The following DRC4 variants were observed in gnomAD, a reference collection of about 807,000 sequenced individuals.
DRC4 encodes the protein dynein regulatory complex subunit 4.
the DRC4 span, among the ~76,000 whole-genome samples, chr16:90,028,683 C>G: frequency 6.6e-6 from 1 of 152,180 alleles, no homozygotes; most frequent in Non-Finnish European, 1.5e-5. Context: ...ACCTAAAAGG[C>G]TCCTGGAGAC....
chr16:90,026,667 G>A, the DRC4 span, among the ~76,000 whole-genome samples: 7,613 of 147,278 alleles, frequency 0.052, 274 homozygotes, highest in Non-Finnish European at 0.078. Flanking sequence ...GGAGTGAGTG[G>A]GTTTGGAATG....
chr16:90,040,534 C>T, the DRC4 span: 1 of 1,558,596 alleles, frequency 6.4e-7, no homozygotes. Flanking sequence ...GGCTCCTGAC[C>T]CCAGTGGGCG....
the DRC4 span, chr16:90,027,708 A>C: frequency 1.4e-5 from 22 of 1,612,314 alleles, no homozygotes; most frequent in Non-Finnish European, 1.9e-5. Flanking sequence ...TCCAGAGGAC[A>C]TGAGCAAGGA....
the DRC4 span, among the ~76,000 whole-genome samples, chr16:90,025,854 G>A: frequency 2.8e-5 from 4 of 145,124 alleles, no homozygotes; most frequent in South Asian, 2.2e-4. Flanking sequence ...CCTGGATGAC[G>A]AGGGAGACTC....
the DRC4 span, chr16:90,027,711 AG>A: frequency 6.2e-7 from 1 of 1,614,098 alleles, no homozygotes; most frequent in African/African-American, 1.3e-5. Context: ...AGAGGACATG[AG>A]CAAGGAGCAG....
At chr16:90,020,160 A>G in the DRC4 span, 1 of 537,466 alleles carries the variant, frequency 1.9e-6, no homozygotes, top group South Asian at 2.3e-5. Context: ...TGCATTTGTA[A>G]GTACTTCAAT....
the DRC4 span, among the ~76,000 whole-genome samples, chr16:90,023,750 T>C: frequency 1.3e-5 from 2 of 150,904 alleles, no homozygotes; most frequent in African/African-American, 4.8e-5. Flanking sequence ...TCCCATCACT[T>C]TGGGAGGCCG....
the DRC4 span, chr16:90,037,387 G>T: frequency 1.2e-6 from 2 of 1,612,614 alleles, no homozygotes; most frequent in Non-Finnish European, 1.7e-6. Flanking sequence ...AGAGGGACAA[G>T]CAGATCCTGC....
At chr16:90,043,282 A>G in the DRC4 span, 1 of 1,613,460 alleles carries the variant, frequency 6.2e-7, no homozygotes. Context: ...AGCCCTTGGA[A>G]ACAGCTGTGA....
chr16:90,022,804 G>C, the DRC4 span: 3 of 1,246,126 alleles, frequency 2.4e-6, no homozygotes, highest in African/African-American at 4.7e-5. Context: ...GGTACACGGA[G>C]ACCCTGGGAA....
chr16:90,024,156 A>ACACACACACACACC, the DRC4 span, among the ~76,000 whole-genome samples: 1 of 148,550 alleles, frequency 6.7e-6, no homozygotes, highest in South Asian at 2.1e-4. Flanking sequence ...ACACACACAC[A>ACACACACACACACC]CAAAATTAGC....
the DRC4 span, among the ~76,000 whole-genome samples, chr16:90,025,862 C>G: frequency 7.3e-6 from 1 of 136,170 alleles, no homozygotes; most frequent in African/African-American, 2.8e-5. Flanking sequence ...ACGAGGGAGA[C>G]TCCATCTCAA....
At chr16:90,028,173 A>ATTT in the DRC4 span, among the ~76,000 whole-genome samples, 27 of 63,846 alleles carry the variant, frequency 4.2e-4, 4 homozygotes, top group African/African-American at 1.1e-3. Flanking sequence ...TTAATCGTTC[A>ATTT]TTTTTTTTTT....
At chr16:90,025,781 T>C in the DRC4 span, among the ~76,000 whole-genome samples, 1 of 142,084 alleles carries the variant, frequency 7.0e-6, no homozygotes, top group Non-Finnish European at 1.5e-5. Flanking sequence ...CAGCTCCTCG[T>C]GGAGGCTGAG....
the DRC4 span, chr16:90,042,444 A>G: frequency 3.1e-6 from 5 of 1,611,576 alleles, no homozygotes; most frequent in African/African-American, 4.0e-5. Context: ...ATGAGTCTCA[A>G]ACTCCCATCA....
At chr16:90,026,207 A>G in the DRC4 span, among the ~76,000 whole-genome samples, 6 of 152,136 alleles carry the variant, frequency 3.9e-5, no homozygotes, top group Non-Finnish European at 7.4e-5. Context: ...TAGGATATGG[A>G]AATTTGTTAC....
At chr16:90,042,865 G>C in the DRC4 span, 1 of 504,716 alleles carries the variant, frequency 2.0e-6, no homozygotes, top group Non-Finnish European at 3.6e-6. Context: ...TTCAACAGGG[G>C]AAGGGAGGGC....
the DRC4 span, among the ~76,000 whole-genome samples, chr16:90,040,942 G>A: frequency 6.6e-6 from 1 of 152,134 alleles, no homozygotes; most frequent in Non-Finnish European, 1.5e-5. Context: ...AGGGCCTGAG[G>A]TAGTGAGGCT....
chr16:90,032,811 C>T, the DRC4 span: 1 of 1,613,968 alleles, frequency 6.2e-7, no homozygotes, highest in Admixed American at 1.7e-5. Context: ...GAAGCTGGCA[C>T]AGAAAGAGCA....
Sources: allele counts gnomAD v4.1 joint callset (sites outside exome capture counted in the v4.1 genomes callset), GRCh38; gene constraint gnomAD v4.1.1; transcripts MANE v1.5; gene names NCBI Gene and HGNC (gene_info 2026-07-23, HGNC 2026-07-21).